Variants in IGSF3 observed in about 807,000 individuals in gnomAD.
IGSF3 encodes the protein immunoglobulin superfamily member 3.
In IGSF3, 23 loss-of-function variants were observed where a neutral mutation model predicts 114.4. The ratio of observed to expected loss-of-function variants is 0.20; its 90% CI spans 0.14 to 0.28. IGSF3 has a LOEUF of 0.28. Ranked by LOEUF, IGSF3 falls within the 10% of genes least tolerant of loss-of-function variation. The pLI is 1.00. For missense variants in IGSF3, 1,172 were observed against 1,591.5 expected (o/e 0.74, Z 4.48); for synonymous variants, 571 against 645.2 (o/e 0.88, Z 1.74).
Position 116,614,962 on chromosome 1 carries a change from G to C in IGSF3, c.422-787C>G, listed in dbSNP as rs1351820490. The stretch of plus-strand genomic sequence containing the variant: ...TGTTTTCTCCCTGTTCTCACCCAAG[G>C]CTTGGGTCTTACGGGTCTCCTGCTG... On this transcript the variant is annotated intron_variant, in intron 3 of 10. Coordinates refer to ENST00000369486, the MANE Select transcript of IGSF3 (RefSeq NM_001007237.3). This position sits in a 1 kb window ranked among gnomAD's most constrained non-coding sequence, Gnocchi z 4.5. Among the ~76,000 whole-genome samples the C allele has an allele frequency of 6.6e-6, 1 of 152,088 alleles. No individual in the cohort carries two copies. Among genetic ancestry groups the C allele is most frequent in the East Asian group, 1.9e-4 (1 of 5,192 alleles).
rs962539604 is a variant in IGSF3 at position 116,593,744 on chromosome 1, A to C, written c.2030-4640T>G. 2.6e-5 allele frequency among the ~76,000 whole-genome samples: 4 copies of C among 152,316 alleles called. No individual in the cohort carries two copies. Among genetic ancestry groups the C allele is most frequent in the African/African-American group, 9.6e-5 (4 of 41,568 alleles). On this transcript the variant is annotated intron_variant, in intron 7 of 10. Transcript: ENST00000369486. The surrounding 1 kb of genome is among the most constrained non-coding windows in gnomAD (Gnocchi z 4.5). ...GCCAGGGGATTTCCCTAAATGGCAA[A>C]TGGGGCATGCTACTGCCCACGGCTG... is the stretch of plus-strand genomic sequence containing the variant.
Position 116,666,588 on chromosome 1 carries a change from T to TC in IGSF3, c.-263dup. 1 of 598,980 alleles carries TC rather than the reference T, an allele frequency of 1.7e-6. No individual in the cohort carries two copies. Among genetic ancestry groups the TC allele is most frequent in the Middle Eastern group, 4.4e-4 (1 of 2,274 alleles). 37.1% of individuals were successfully genotyped at this position (598,980 alleles called of 1,614,324 possible). The stretch of plus-strand genomic sequence containing the variant: ...GAAGTCGCTCCCGGCTCCTGCCACA[T>TC]CGTGTGCCTTGCAGTTTCCACTGAA... On this transcript the variant is annotated 5_prime_UTR_variant, in exon 2 of 11. Transcript: ENST00000369486.
chr1:116,577,619 C>T lies in IGSF3; in HGVS notation c.3335-57G>A, dbSNP rs1468639349. The T allele has an allele frequency of 6.3e-7, 1 of 1,578,130 alleles. No individual in the cohort carries two copies. The highest frequency in any genetic ancestry group is 1.7e-5 in the Admixed American group (1 of 58,728). Reference sequence around the variant, plus strand: ...GAGGGCTGAGAACCTGGACTGCTCACATTTCCTTTTGAAGACCTCACCTGA... The same window carrying T: ...GAGGGCTGAGAACCTGGACTGCTCATATTTCCTTTTGAAGACCTCACCTGA... On this transcript the variant is annotated intron_variant, in intron 10 of 10. Coordinates refer to ENST00000369486, the MANE Select transcript of IGSF3 (RefSeq NM_001007237.3). The surrounding 1 kb of genome is among the most constrained non-coding windows in gnomAD (Gnocchi z 5.7).
Position 116,579,797 on chromosome 1 carries a change from C to A in IGSF3, c.2929G>T (p.Val977Leu). 1 of 1,614,004 alleles carries A rather than the reference C, an allele frequency of 6.2e-7. No homozygotes were observed. The highest frequency in any genetic ancestry group is 8.5e-7 in the Non-Finnish European group (1 of 1,180,022). Reference sequence around the variant, plus strand: ...CGGGAGTCCTGGCTGGAGCGGGACACGATGCTACAGTCCAGCTGGAAAGCT... The same window carrying A: ...CGGGAGTCCTGGCTGGAGCGGGACAAGATGCTACAGTCCAGCTGGAAAGCT... ...KAAFQLDCSI[V>L]SRSSQDSRFA... Residue 977 changes from valine (V) to leucine (L), a missense_variant, in exon 10 of 11, where the codon GTG becomes TTG. By Grantham distance (32) the Val-to-Leu change is conservative. Around this residue, in one of 3 missense-constraint regions of IGSF3, gnomAD observed 423 missense variants for 509.8 expected, o/e 0.83. Transcript: ENST00000369486. The surrounding 1 kb of genome is among the most constrained non-coding windows in gnomAD (Gnocchi z 6.4).
At position 116,579,717 on chromosome 1, in the gene IGSF3, G is replaced by A; in HGVS notation, c.3009C>T (p.Ser1003=). The change falls in exon 10 of 11, where the codon AGC becomes AGT. Residue 1003 remains serine (S), a synonymous_variant. Coordinates refer to ENST00000369486, the MANE Select transcript of IGSF3 (RefSeq NM_001007237.3). This position sits in a 1 kb window ranked among gnomAD's most constrained non-coding sequence, Gnocchi z 6.4. ...CCTCTTCCTGTTCTTCCAGGCCAGG[G>A]CTGCTCCTTTTCCCCCCAGCTTTAG... ...LRTKAGGKRS[S]PGLEEQEEER... 1 of 1,611,062 alleles carries A rather than the reference G, an allele frequency of 6.2e-7. No homozygotes were observed. The highest frequency in any genetic ancestry group is 8.5e-7 in the Non-Finnish European group (1 of 1,178,182).
Position 116,615,166 on chromosome 1 carries a change from C to T in IGSF3, c.421+914G>A, listed in dbSNP as rs192433145. 2.0e-3 allele frequency among the ~76,000 whole-genome samples: 306 copies of T among 152,066 alleles called. 3 individuals carry two copies. The highest frequency in any genetic ancestry group is 2.3e-3 in the Non-Finnish European group (159 of 67,970). On this transcript the variant is annotated intron_variant, in intron 3 of 10. Coordinates refer to ENST00000369486, the MANE Select transcript of IGSF3 (RefSeq NM_001007237.3). This position sits in a 1 kb window ranked among gnomAD's most constrained non-coding sequence, Gnocchi z 4.3. ...GTGCATGCCTGTAATCCCAGCTACT[C>T]GGGAGGCTGAGGCAGAAGAATTGCT...
chr1:116,652,531 A>G (rs1648675303), intron 2 of IGSF3, among the ~76,000 whole-genome samples: 1 of 152,234 alleles, frequency 6.6e-6, no homozygotes, highest in South Asian at 2.1e-4. Context: ...ACAGTCACCA[A>G]ATTCTTTTGC....
rs930369201 is a variant in IGSF3, at chr1:116,583,912, C to T, written c.2848+733G>A. On this transcript the variant is annotated intron_variant, in intron 9 of 10. Coordinates refer to ENST00000369486, the MANE Select transcript of IGSF3 (RefSeq NM_001007237.3). The surrounding 1 kb of genome is among the most constrained non-coding windows in gnomAD (Gnocchi z 4.5). ...TACTAATAAAATTATTGGGACCAGG[C>T]ACAGTAGCTCACACCTGTAATCCCA... 2.6e-5 allele frequency among the ~76,000 whole-genome samples: 4 copies of T among 152,182 alleles called. No individual in the cohort carries two copies. The highest frequency in any genetic ancestry group is 9.6e-5 in the African/African-American group (4 of 41,456).
intron 2 of IGSF3, among the ~76,000 whole-genome samples, chr1:116,641,209 A>G (rs1648081135): frequency 6.6e-6 from 1 of 152,190 alleles, no homozygotes; most frequent in South Asian, 2.1e-4. Flanking sequence ...TAGAAAATTA[A>G]AAGAAGAACG....
rs143770903 is a variant in IGSF3 at position 116,577,113 on chromosome 1, C to T, written c.*199G>A. 2.0e-5 allele frequency: 12 copies of T among 587,010 alleles called. No homozygotes were observed. The highest frequency in any genetic ancestry group is 9.2e-5 in the Admixed American group (3 of 32,444). The allele number at this position is 587,010 out of a possible 1,614,324, so 36.4% of individuals were successfully genotyped here. ...TAATGGCAGGATCACAACATTTGCG[C>T]GCAAATAGCTAACCAACCAAGACTG... On this transcript the variant is annotated 3_prime_UTR_variant, in exon 11 of 11. Transcript: ENST00000369486. This position sits in a 1 kb window ranked among gnomAD's most constrained non-coding sequence, Gnocchi z 5.7.
In IGSF3 at chr1:116,655,393, C is replaced by G. The variant is rs1435757529; in HGVS notation, c.43+10891G>C. Among the ~76,000 whole-genome samples the G allele has an allele frequency of 6.6e-6, 1 of 152,222 alleles. No individual in the cohort carries two copies. Among genetic ancestry groups the G allele is most frequent in the Non-Finnish European group, 1.5e-5 (1 of 68,034 alleles). The stretch of plus-strand genomic sequence containing the variant: ...CACAGCCATCTCTCCAAAAGAACAA[C>G]TATTTTAAAAATCAGGTCTAAAGGT... On this transcript the variant is annotated intron_variant, in intron 2 of 10. Transcript: ENST00000369486. This position sits in a 1 kb window ranked among gnomAD's most constrained non-coding sequence, Gnocchi z 4.3.
At chr1:116,630,175 T>C (rs975320136) in intron 2 of IGSF3, among the ~76,000 whole-genome samples, 3 of 152,208 alleles carry the variant, frequency 2.0e-5, no homozygotes, top group Non-Finnish European at 2.9e-5. Flanking sequence ...AAAGCAGTGA[T>C]GGTTCAAAAG....
At chr1:116,617,631 T>G (rs1333782101) in intron 2 of IGSF3, among the ~76,000 whole-genome samples, 1 of 152,234 alleles carries the variant, frequency 6.6e-6, no homozygotes, top group Non-Finnish European at 1.5e-5. Context: ...GCTTAACCTC[T>G]CTAAGCCTTG....
chr1:116,644,716 G>C lies in IGSF3; in HGVS notation c.43+21568C>G, dbSNP rs1370198559. On this transcript the variant is annotated intron_variant, in intron 2 of 10. Coordinates refer to ENST00000369486, the MANE Select transcript of IGSF3 (RefSeq NM_001007237.3). The surrounding 1 kb of genome is among the most constrained non-coding windows in gnomAD (Gnocchi z 5.6). ...ATCAGAGGAGGCGGCCCTGTGTGAT[G>C]AAAGGACCTCCTCAGGAAACCTCCC... is the stretch of plus-strand genomic sequence containing the variant. Among the ~76,000 whole-genome samples the C allele has an allele frequency of 6.6e-6, 1 of 152,190 alleles. No individual in the cohort carries two copies. Among genetic ancestry groups the C allele is most frequent in the Non-Finnish European group, 1.5e-5 (1 of 68,022 alleles).
rs1247215217 is a variant in IGSF3, at chr1:116,666,659, G to T, written c.-333C>A. On this transcript the variant is annotated 5_prime_UTR_variant, in exon 2 of 11. Coordinates refer to ENST00000369486, the MANE Select transcript of IGSF3 (RefSeq NM_001007237.3). ...AATCCTCCAGAAGCACGGAAAAAAG[G>T]GTCTGAGAAAATCCTTTCATCCACT... 4.3e-5 allele frequency: 24 copies of T among 557,980 alleles called. No individual in the cohort carries two copies. The East Asian group carries it at 7.0e-4, about 16-fold the overall frequency. 34.6% of individuals were successfully genotyped at this position (557,980 alleles called of 1,614,324 possible). A position where few individuals can be genotyped will look rare whatever the true frequency, so the allele number is the denominator to read the frequency against.
rs1659356443 is a variant in IGSF3, at chr1:116,576,692, A to G, written c.*620T>C. On this transcript the variant is annotated 3_prime_UTR_variant, in exon 11 of 11. Transcript: ENST00000369486. This position sits in a 1 kb window ranked among gnomAD's most constrained non-coding sequence, Gnocchi z 4.6. ...AGCAAAATTCAGTGCTTTCGTCTTG[A>G]CTACAAAGTGGTTCCAATAACTCCA... is the stretch of plus-strand genomic sequence containing the variant. 2.0e-5 allele frequency: 3 copies of G among 152,920 alleles called. No individual in the cohort carries two copies. Among genetic ancestry groups the G allele is most frequent in the African/African-American group, 7.2e-5 (3 of 41,434 alleles). The allele number at this position is 152,920 out of a possible 1,614,324, so 9.5% of individuals were successfully genotyped here.
Position 116,625,493 on chromosome 1 carries a change from G to A in IGSF3, c.44-9036C>T, listed in dbSNP as rs893468730. 2.6e-5 allele frequency among the ~76,000 whole-genome samples: 4 copies of A among 152,344 alleles called. No homozygotes were observed. The highest frequency in any genetic ancestry group is 4.8e-5 in the African/African-American group (2 of 41,586). The stretch of plus-strand genomic sequence containing the variant: ...TCAGTGCCAGGCGGAAAAGGGCACC[G>A]AAAGGCACATTAATAAAGTCAAACA... On this transcript the variant is annotated intron_variant, in intron 2 of 10. Transcript: ENST00000369486. The surrounding 1 kb of genome is among the most constrained non-coding windows in gnomAD (Gnocchi z 4.7).
In IGSF3 at chr1:116,607,419, A is replaced by G. The variant is rs563236253; in HGVS notation, c.1222+523T>C. Among the ~76,000 whole-genome samples, 190 of 152,356 alleles carry G rather than the reference A, an allele frequency of 1.2e-3. No individual in the cohort carries two copies. The highest frequency in any genetic ancestry group is 2.2e-3 in the Admixed American group (33 of 15,304). On this transcript the variant is annotated intron_variant, in intron 5 of 10. Coordinates refer to ENST00000369486, the MANE Select transcript of IGSF3 (RefSeq NM_001007237.3). This position sits in a 1 kb window ranked among gnomAD's most constrained non-coding sequence, Gnocchi z 6.1. ...CCCATCCACCGACTTTTAGAAACAC[A>G]ATTTCAACAGGGAAAAGCCATTTAG...
chr1:116,641,495 CAAAAAAA>C (rs57930787), intron 2 of IGSF3, among the ~76,000 whole-genome samples: 14 of 40,704 alleles, frequency 3.4e-4, no homozygotes, highest in Non-Finnish European at 3.8e-4. Flanking sequence ...GACTCTGTCT[CAAAAAAA>C]AAAAAAAAAA....
Sources: allele counts gnomAD v4.1 joint callset (sites outside exome capture counted in the v4.1 genomes callset), GRCh38; gene constraint gnomAD v4.1.1; regional missense constraint gnomAD v4.1.1; non-coding constraint Gnocchi (gnomAD v3.1); transcripts MANE v1.5; gene names NCBI Gene and HGNC (gene_info 2026-07-23, HGNC 2026-07-21).